SLC12A1: variants seen among roughly 807,000 people sequenced by gnomAD.
The protein encoded by SLC12A1 is solute carrier family 12 member 1, also known as Na-K-2Cl cotransporter.
SLC12A1 carries 89 observed loss-of-function variants against 130.4 expected under a neutral mutation model. The ratio of observed to expected loss-of-function variants is 0.68; its 90% CI spans 0.58 to 0.81. The LOEUF (loss-of-function observed/expected upper bound fraction) is 0.81. SLC12A1 is among the 40% of genes least tolerant of loss of function. The pLI is 0.00. For synonymous variants in SLC12A1, 499 were observed against 460.0 expected, an observed-to-expected ratio of 1.08 and a Z score of -1.09; for missense variants, 1,310 against 1,336.4, an observed-to-expected ratio of 0.98 and a Z score of 0.31.
At chr15:48,281,149 T>C (rs1853840524) in intron 20 of SLC12A1, among the ~76,000 whole-genome samples, 1 of 152,212 alleles carries the variant, frequency 6.6e-6, no homozygotes, top group African/African-American at 2.4e-5. Context: ...CTGTGTGATG[T>C]TGGTCAAGTT....
Position 48,267,698 on chromosome 15 carries a change from T to C in SLC12A1, c.2292T>C (p.Leu764=). Residue 764 remains leucine (L), a synonymous_variant, in exon 18 of 27, where the codon CTT becomes CTC. Transcript: ENST00000380993. ...TCAGGGATGGTGTCCGAAGTCTTCT[T>C]CAGGTAAGGCTGCATTGAGGGAATG... ...DCFRDGVRSL[L]QASGLGRMKP... 6.2e-7 allele frequency: 1 copy of C among 1,613,234 alleles called. No homozygotes were observed. Among genetic ancestry groups the C allele is most frequent in the Non-Finnish European group, 8.5e-7 (1 of 1,179,352 alleles).
intron 20 of SLC12A1, among the ~76,000 whole-genome samples, chr15:48,279,184 T>C (rs1244613431): frequency 6.6e-6 from 1 of 152,212 alleles, no homozygotes; most frequent in Non-Finnish European, 1.5e-5. Context: ...GTTTATGTAA[T>C]TTACGACACA....
At chr15:48,261,798 T>C (rs1270591893) in intron 17 of SLC12A1, among the ~76,000 whole-genome samples, 5 of 152,186 alleles carry the variant, frequency 3.3e-5, no homozygotes, top group South Asian at 2.1e-4. Context: ...TCATGGGCTT[T>C]TGAGAATAAC....
At chr15:48,261,639 G>A (rs1315960861) in intron 17 of SLC12A1, among the ~76,000 whole-genome samples, 2 of 152,222 alleles carry the variant, frequency 1.3e-5, no homozygotes, top group East Asian at 3.8e-4. Context: ...GAAACAGATG[G>A]AAGGGGATAT....
At chr15:48,285,341 G>C in intron 21 of SLC12A1, 92 bp downstream of exon 21, 1 of 1,265,266 alleles carries the variant, frequency 7.9e-7, no homozygotes, top group South Asian at 1.4e-5. Flanking sequence ...CTAAGATGTT[G>C]GGAGCATTGA....
intron 20 of SLC12A1, among the ~76,000 whole-genome samples, chr15:48,282,505 G>C (rs1266309620): frequency 6.6e-6 from 1 of 152,172 alleles, no homozygotes; most frequent in Non-Finnish European, 1.5e-5. Flanking sequence ...AAAAAGAAAA[G>C]AGAAGAATCC....
chr15:48,289,624 G>T (rs1407785923), intron 23 of SLC12A1, among the ~76,000 whole-genome samples: 1 of 151,958 alleles, frequency 6.6e-6, no homozygotes, highest in African/African-American at 2.4e-5. Flanking sequence ...TAGGTTATAT[G>T]GTATATGCTG....
At chr15:48,254,932 A>G (rs2041689475) in intron 15 of SLC12A1, among the ~76,000 whole-genome samples, 1 of 152,012 alleles carries the variant, frequency 6.6e-6, no homozygotes, top group African/African-American at 2.4e-5. Context: ...TCAAACAAAA[A>G]GAAAAAGCGG....
At chr15:48,249,457 G>T in intron 13 of SLC12A1, 118 bp from the exon 14 acceptor site, 2 of 788,722 alleles carry the variant, frequency 2.5e-6, no homozygotes, top group South Asian at 3.1e-5. Flanking sequence ...CTTAAACTTT[G>T]ACAGATGCTC....
At chr15:48,217,272 G>T (rs950093138) in intron 2 of SLC12A1, among the ~76,000 whole-genome samples, 1 of 151,962 alleles carries the variant, frequency 6.6e-6, no homozygotes, top group South Asian at 2.1e-4. Context: ...AAATGTAAGG[G>T]TCCATCTCTA....
chr15:48,302,358 C>A (rs1274694473), intron 26 of SLC12A1, among the ~76,000 whole-genome samples: 1 of 151,912 alleles, frequency 6.6e-6, no homozygotes, highest in Non-Finnish European at 1.5e-5. Flanking sequence ...CGGTGGCTCA[C>A]GCCTGCAATC....
chr15:48,303,025 A>G lies in SLC12A1; in HGVS notation c.*140A>G. On this transcript the variant is annotated 3_prime_UTR_variant, in exon 27 of 27. Coordinates refer to ENST00000380993, the MANE Select transcript of SLC12A1 (RefSeq NM_000338.3). ...CTACCAGATTCTACATACATTGCAT[A>G]ATTTTTATCAGTTAATGCGAGCTTT... The G allele has an allele frequency of 1.7e-6, 1 of 591,998 alleles. No homozygotes were observed. Among genetic ancestry groups the G allele is most frequent in the Non-Finnish European group, 2.7e-6 (1 of 371,272 alleles). The allele number at this position is 591,998 out of a possible 1,614,324, so 36.7% of individuals were successfully genotyped here. A position where few individuals can be genotyped will look rare whatever the true frequency, so the allele number is the denominator to read the frequency against.
At chr15:48,239,337 C>T (rs555595963) in intron 9 of SLC12A1, among the ~76,000 whole-genome samples, 8 of 151,932 alleles carry the variant, frequency 5.3e-5, no homozygotes, top group South Asian at 4.2e-4. Context: ...ATGGCAAAAC[C>T]GTGTCTCTAC....
At chr15:48,249,749 T>G in intron 14 of SLC12A1, 73 bp downstream of exon 14, 1 of 1,078,432 alleles carries the variant, frequency 9.3e-7, no homozygotes, top group Non-Finnish European at 1.4e-6. Flanking sequence ...AATAAATCAG[T>G]GAAAAGTGTT....
intron 24 of SLC12A1, among the ~76,000 whole-genome samples, chr15:48,294,669 A>T (rs2042156403): frequency 6.6e-6 from 1 of 152,182 alleles, no homozygotes; most frequent in Non-Finnish European, 1.5e-5. Flanking sequence ...ATAATCAAAC[A>T]AGCTCATCAT....
At chr15:48,295,445 G>A (rs1566860255) in intron 24 of SLC12A1, among the ~76,000 whole-genome samples, 1 of 152,066 alleles carries the variant, frequency 6.6e-6, no homozygotes, top group Non-Finnish European at 1.5e-5. Flanking sequence ...TGAGGAGGCT[G>A]ATGTACCTCT....
In SLC12A1 at chr15:48,246,923, A is replaced by G. The variant is rs767389732; in HGVS notation, c.1467A>G (p.Val489=). The part of the protein sequence containing the change: ...LMNNFQVMSM[V]SGFGPLITAG... ...CTCTTCTCAAGGTCATGAGCATGGT[A>G]TCAGGGTTCGGCCCCCTCATCACTG... The change falls in exon 12 of 27, where the codon GTA becomes GTG. Residue 489 remains valine (V), a synonymous_variant. Transcript: ENST00000380993. 13 of 1,613,570 alleles carry G rather than the reference A, an allele frequency of 8.1e-6. No homozygotes were observed. Among genetic ancestry groups the G allele is most frequent in the Non-Finnish European group, 1.0e-5 (12 of 1,179,452 alleles).
At chr15:48,281,568 C>G (rs1011116189) in intron 20 of SLC12A1, among the ~76,000 whole-genome samples, 1 of 152,116 alleles carries the variant, frequency 6.6e-6, no homozygotes, top group African/African-American at 2.4e-5. Context: ...GAGGGATAAA[C>G]ACTAGAATTG....
intron 2 of SLC12A1, among the ~76,000 whole-genome samples, chr15:48,212,507 G>A (rs2041065220): frequency 6.6e-6 from 1 of 151,976 alleles, no homozygotes; most frequent in Admixed American, 6.6e-5. Context: ...TTGACATCTG[G>A]CAAAGATTAA....
Sources: gnomAD v4.1 joint callset for allele counts (sites outside exome capture counted in the v4.1 genomes callset) on GRCh38, gnomAD v4.1.1 for gene constraint, MANE v1.5 for transcripts, NCBI Gene and HGNC (gene_info 2026-07-23, HGNC 2026-07-21) for gene names.